Variants in UNC13B observed in about 807,000 individuals in gnomAD.
The protein encoded by UNC13B is protein unc-13 homolog B.
A neutral mutation model predicts 211.0 loss-of-function variants in UNC13B; 144 were observed. The ratio of observed to expected loss-of-function variants is 0.68; its 90% CI spans 0.60 to 0.78. UNC13B has a LOEUF of 0.78. Ranked by LOEUF, UNC13B falls within the 30% of genes least tolerant of loss-of-function variation. UNC13B has a pLI of 0.00. For missense variants in UNC13B, 1,777 were observed against 2,002.0 expected (o/e 0.89, Z 2.14); for synonymous variants, 709 against 725.8 (o/e 0.98, Z 0.37).
At chr9:35,264,546 T>A (rs1827460980) in intron 7 of UNC13B, among the ~76,000 whole-genome samples, 1 of 152,200 alleles carries the variant, frequency 6.6e-6, no homozygotes. Flanking sequence ...GAAGAAAGAC[T>A]GTTGGACTTC....
At chr9:35,367,091 T>A in intron 12 of UNC13B, 98 bp downstream of exon 12, 2 of 1,241,998 alleles carry the variant, frequency 1.6e-6, no homozygotes. Context: ...CTTCATAAGC[T>A]GCATCCTGGG....
intron 11 of UNC13B, among the ~76,000 whole-genome samples, chr9:35,326,162 A>G (rs1830997415): frequency 6.6e-6 from 1 of 152,128 alleles, no homozygotes; most frequent in Non-Finnish European, 1.5e-5. Flanking sequence ...TATTATAGCC[A>G]TCCTAGTGGG....
At chr9:35,368,483 A>T (rs1039162724) in intron 12 of UNC13B, among the ~76,000 whole-genome samples, 1 of 152,092 alleles carries the variant, frequency 6.6e-6, no homozygotes, top group South Asian at 2.1e-4. Flanking sequence ...GCTTGATTCC[A>T]TGTCTTTGCT....
rs1334736693 is a variant in UNC13B, at chr9:35,405,285, C to T, written c.*1252C>T. 6.6e-6 allele frequency: 1 copy of T among 152,612 alleles called. No individual in the cohort carries two copies. The highest frequency in any genetic ancestry group is 1.5e-5 in the Non-Finnish European group (1 of 68,052). The allele number at this position is 152,612 out of a possible 1,614,324, so 9.5% of individuals were successfully genotyped here. ...TTGCTGTTGTTAATTATTATATGTG[C>T]CATTGTTACAGGAGATTATAGGCTA... On this transcript the variant is annotated 3_prime_UTR_variant, in exon 40 of 40. Transcript: ENST00000635942.
intron 11 of UNC13B, among the ~76,000 whole-genome samples, chr9:35,349,129 G>C (rs932435585): frequency 6.6e-6 from 1 of 151,998 alleles, no homozygotes; most frequent in African/African-American, 2.4e-5. Flanking sequence ...TATTGGCCAG[G>C]CTGGTCTCAA....
chr9:35,297,616 C>G (rs1206320166), intron 8 of UNC13B, among the ~76,000 whole-genome samples: 1 of 137,544 alleles, frequency 7.3e-6, no homozygotes, highest in Non-Finnish European at 1.5e-5. Flanking sequence ...GTGGCGCTAT[C>G]TCGGCTCACG....
At chr9:35,175,890 G>A (rs549782015) in intron 1 of UNC13B, among the ~76,000 whole-genome samples, 1 of 151,424 alleles carries the variant, frequency 6.6e-6, no homozygotes, top group East Asian at 2.0e-4. Flanking sequence ...GCCAGACATT[G>A]TGCTGCATGC....
chr9:35,313,391 G>A (rs964429899), intron 10 of UNC13B, among the ~76,000 whole-genome samples: 5 of 152,088 alleles, frequency 3.3e-5, no homozygotes, highest in East Asian at 1.9e-4. Context: ...TTGGGAGGCC[G>A]AGGTGAGCAG....
At chr9:35,388,179 G>A (rs1320737903) in intron 24 of UNC13B, among the ~76,000 whole-genome samples, 3 of 152,146 alleles carry the variant, frequency 2.0e-5, no homozygotes. Context: ...AAGCCGGGGC[G>A]GGTGGATCAC....
At chr9:35,399,106 G>C (rs886552423) in intron 33 of UNC13B, 55 bp from the exon 34 acceptor site, 14 of 1,614,070 alleles carry the variant, frequency 8.7e-6, no homozygotes, top group Non-Finnish European at 1.2e-5. Context: ...GAGCCCCTTG[G>C]GGAGAGGGGT....
intron 7 of UNC13B, among the ~76,000 whole-genome samples, chr9:35,289,782 G>T (rs1828993929): frequency 6.6e-6 from 1 of 152,040 alleles, no homozygotes; most frequent in Admixed American, 6.6e-5. Flanking sequence ...TTCGAGGCCA[G>T]CCTGGCCAAC....
At chr9:35,229,836 G>C (rs937710722) in intron 2 of UNC13B, among the ~76,000 whole-genome samples, 3 of 152,138 alleles carry the variant, frequency 2.0e-5, no homozygotes, top group African/African-American at 7.2e-5. Context: ...CTTACCTTCA[G>C]CTGAAAGTGT....
chr9:35,174,919 C>T (rs949952406), intron 1 of UNC13B, among the ~76,000 whole-genome samples: 1 of 150,924 alleles, frequency 6.6e-6, no homozygotes, highest in African/African-American at 2.4e-5. Context: ...GTGATCCACA[C>T]GCCTCAGCCT....
chr9:35,251,686 TGC>T (rs1317871149), intron 6 of UNC13B, among the ~76,000 whole-genome samples: 1 of 152,058 alleles, frequency 6.6e-6, no homozygotes, highest in Non-Finnish European at 1.5e-5. Context: ...AAAACCACAA[TGC>T]CATTATCACA....
intron 11 of UNC13B, among the ~76,000 whole-genome samples, chr9:35,337,765 T>G (rs150357988): frequency 1.3e-5 from 2 of 152,344 alleles, no homozygotes; most frequent in East Asian, 3.9e-4. Context: ...TCCACAAGAC[T>G]ATAGAAACAG....
At chr9:35,169,986 G>A (rs1199961669) in intron 1 of UNC13B, among the ~76,000 whole-genome samples, 1 of 152,214 alleles carries the variant, frequency 6.6e-6, no homozygotes, top group Non-Finnish European at 1.5e-5. Flanking sequence ...AGAGGCCACG[G>A]AATCTAGATA....
At chr9:35,201,686 C>G (rs1823301765) in intron 1 of UNC13B, among the ~76,000 whole-genome samples, 2 of 152,040 alleles carry the variant, frequency 1.3e-5, no homozygotes, top group African/African-American at 4.8e-5. Flanking sequence ...GTGATATCCC[C>G]TTTATCATTT....
At chr9:35,396,728 A>G in intron 27 of UNC13B, 113 bp from the exon 28 acceptor site, 2 of 1,597,940 alleles carry the variant, frequency 1.3e-6, no homozygotes, top group Non-Finnish European at 1.7e-6. Context: ...TAGACAAAGA[A>G]AAGTGTTAAA....
chr9:35,241,559 A>G (rs945366607), intron 5 of UNC13B, among the ~76,000 whole-genome samples: 2 of 3,634 alleles, frequency 5.5e-4, no homozygotes, highest in Non-Finnish European at 2.9e-3. Flanking sequence ...GAATATAAGC[A>G]CACACACACA....
Sources: allele counts gnomAD v4.1 joint callset (sites outside exome capture counted in the v4.1 genomes callset), GRCh38; gene constraint gnomAD v4.1.1; transcripts MANE v1.5; gene names NCBI Gene and HGNC (gene_info 2026-07-23, HGNC 2026-07-21).